ZFP3: variants seen among roughly 807,000 people sequenced by gnomAD.
ZFP3 encodes the protein zinc finger protein 3 homolog.
A neutral mutation model predicts 36.7 loss-of-function variants in ZFP3; 18 were observed. That is an observed-to-expected ratio of 0.49 (90% confidence interval 0.34 to 0.73). The LOEUF is 0.73. Among genes scored for constraint, ZFP3 ranks in the 30% least tolerant of loss-of-function variants. ZFP3 has a pLI of 0.01. For synonymous variants in ZFP3, 218 were observed against 199.0 expected, an observed-to-expected ratio of 1.10 and a Z score of -0.81; for missense variants, 495 against 599.0, an observed-to-expected ratio of 0.83 and a Z score of 1.81.
rs146478283 is a variant in ZFP3 at position 5,086,183 on chromosome 17, G to A, written c.-8-5314G>A. ...AAGTTCCACCTCATTTTCAGGTGTA[G>A]CACAAAGAGCTTCTAAGACTTCAGG... On this transcript the variant is annotated intron_variant, in intron 1 of 1. Coordinates refer to ENST00000318833, the MANE Select transcript of ZFP3 (RefSeq NM_153018.3). Among the ~76,000 whole-genome samples the A allele has an allele frequency of 6.6e-5, 10 of 152,274 alleles. No individual in the cohort carries two copies. In the East Asian group the frequency reaches 1.9e-3, roughly 29 times the overall value.
In ZFP3 at chr17:5,092,864, T is replaced by A. The variant is rs368439342; in HGVS notation, c.1360T>A (p.Cys454Ser). The A allele has an allele frequency of 6.2e-7, 1 of 1,614,044 alleles. No individual in the cohort carries two copies. The highest frequency in any genetic ancestry group is 8.5e-7 in the Non-Finnish European group (1 of 1,180,020). The stretch of plus-strand genomic sequence containing the variant: ...AGAGAAACCTTATGAATGTAGCGAG[T>A]GTGAGAAAACATTTAGCCAGCATTC... ...IGEKPYECSE[C>S]EKTFSQHSQL... The change falls in exon 2 of 2, where the codon TGT (cysteine) becomes AGT (serine). Residue 454 changes from cysteine (C) to serine (S), a missense_variant. By Grantham distance (112) the Cys-to-Ser change is moderately radical. Coordinates refer to ENST00000318833, the MANE Select transcript of ZFP3 (RefSeq NM_153018.3). The surrounding 1 kb of genome is among the most constrained non-coding windows in gnomAD (Gnocchi z 5.0).
rs528370330 is a variant in ZFP3 at position 5,093,969 on chromosome 17, T to A, written c.*956T>A. ...GCTCCTAAGAATTCTGCTGCATATA[T>A]TTTTAGCCCCATCTCCTGCCACTGC... On this transcript the variant is annotated 3_prime_UTR_variant, in exon 2 of 2. Transcript: ENST00000318833. The A allele has an allele frequency of 1.2e-5, 2 of 167,282 alleles. No homozygotes were observed. Among genetic ancestry groups the A allele is most frequent in the South Asian group, 4.1e-4 (2 of 4,824 alleles). 10.4% of individuals were successfully genotyped at this position (167,282 alleles called of 1,614,324 possible).
rs1311876299 is a variant in ZFP3 at position 5,093,346 on chromosome 17, T to G, written c.*333T>G. The G allele has an allele frequency of 8.4e-6, 2 of 237,992 alleles. No homozygotes were observed. Among genetic ancestry groups the G allele is most frequent in the Non-Finnish European group, 1.8e-5 (2 of 114,050 alleles). The allele number at this position is 237,992 out of a possible 1,614,324, so 14.7% of individuals were successfully genotyped here. On this transcript the variant is annotated 3_prime_UTR_variant, in exon 2 of 2. Coordinates refer to ENST00000318833, the MANE Select transcript of ZFP3 (RefSeq NM_153018.3). ...GCACTAATGAGGCACTTTTATGAATTATTCATTGAGAGGTTTCAGTGTGCT... is the reference window on the plus strand; with the variant it reads ...GCACTAATGAGGCACTTTTATGAATGATTCATTGAGAGGTTTCAGTGTGCT...
At chr17:5,091,403 C>A in intron 1 of ZFP3, 94 bp from the exon 2 acceptor site, 2 of 1,309,074 alleles carry the variant, frequency 1.5e-6, no homozygotes, top group Non-Finnish European at 2.1e-6. Context: ...TTTCTGAGTG[C>A]TATGAGAACT....
At chr17:5,079,540 A>T (rs1484627814) in intron 1 of ZFP3, among the ~76,000 whole-genome samples, 1 of 152,224 alleles carries the variant, frequency 6.6e-6, no homozygotes, top group Non-Finnish European at 1.5e-5. Context: ...TTCATTATAT[A>T]TATAAGACAG....
In ZFP3 at chr17:5,092,479, C is replaced by T. The variant is rs761602229; in HGVS notation, c.975C>T (p.Ile325=). The change falls in exon 2 of 2, where the codon ATC becomes ATT. Residue 325 remains isoleucine (I), a synonymous_variant. Transcript: ENST00000318833. This position sits in a 1 kb window ranked among gnomAD's most constrained non-coding sequence, Gnocchi z 5.0. ...GCTTCGGGCAGAGTTCTGAGCTTAT[C>T]CGGCATCAGAGAATTCATACAGGGG... The part of the protein sequence containing the change: ...GKGFGQSSEL[I]RHQRIHTGDK... The T allele has an allele frequency of 6.2e-6, 10 of 1,613,920 alleles. No homozygotes were observed. The highest frequency in any genetic ancestry group is 8.5e-6 in the Non-Finnish European group (10 of 1,179,976).
intron 1 of ZFP3, among the ~76,000 whole-genome samples, chr17:5,090,440 T>G (rs1597906628): frequency 6.6e-6 from 1 of 152,302 alleles, no homozygotes; most frequent in Non-Finnish European, 1.5e-5. Flanking sequence ...TCAGTAGCCC[T>G]TTGGAGAAGT....
intron 1 of ZFP3, among the ~76,000 whole-genome samples, chr17:5,088,036 G>A (rs2072130078): frequency 6.6e-6 from 1 of 152,002 alleles, no homozygotes; most frequent in African/African-American, 2.4e-5. Flanking sequence ...TGGTTCTCAT[G>A]CTACACTCAG....
Position 5,091,655 on chromosome 17 carries a change from T to G in ZFP3, c.151T>G (p.Ser51Ala). Residue 51 changes from serine (S) to alanine (A), a missense_variant, in exon 2 of 2, where the codon TCG (serine) becomes GCG (alanine). Ser to Ala is a moderately conservative substitution (Grantham distance 99). Coordinates refer to ENST00000318833, the MANE Select transcript of ZFP3 (RefSeq NM_153018.3). ...TGAAGAAGACATGTTGGAGGGACATTCGAGAGAGTCCATGGAAGAGGTTAT... is the reference window on the plus strand; with the variant it reads ...TGAAGAAGACATGTTGGAGGGACATGCGAGAGAGTCCATGGAAGAGGTTAT... ...GCEEDMLEGH[S>A]RESMEEVIEQ... is the part of the protein sequence containing the mutation. 6.2e-7 allele frequency: 1 copy of G among 1,614,164 alleles called. No homozygotes were observed. The highest frequency in any genetic ancestry group is 8.5e-7 in the Non-Finnish European group (1 of 1,180,028).
At chr17:5,085,797 G>A (rs1447178086) in intron 1 of ZFP3, among the ~76,000 whole-genome samples, 8 of 152,164 alleles carry the variant, frequency 5.3e-5, no homozygotes, top group South Asian at 2.1e-4. Flanking sequence ...TCAGCTCTAC[G>A]AATGCTGATT....
At chr17:5,086,709 G>A (rs972488850) in intron 1 of ZFP3, among the ~76,000 whole-genome samples, 13 of 144,566 alleles carry the variant, frequency 9.0e-5, no homozygotes, top group Non-Finnish European at 1.7e-4. Flanking sequence ...TATTGTCTCA[G>A]TACACATTTT....
chr17:5,082,342 G>A (rs956829279), intron 1 of ZFP3, among the ~76,000 whole-genome samples: 11 of 151,710 alleles, frequency 7.3e-5, no homozygotes, highest in African/African-American at 2.2e-4. Context: ...GTGAGACTCC[G>A]TCTCAAAAAA....
rs2072180070 is a variant in ZFP3, at chr17:5,096,065, T to G, written c.*3052T>G. On this transcript the variant is annotated 3_prime_UTR_variant, in exon 2 of 2. Coordinates refer to ENST00000318833, the MANE Select transcript of ZFP3 (RefSeq NM_153018.3). ...CCTCTTCATGTCTTACCCAGATATCTCAGGAAGATTTCTCTTTTCCTTCTG... is the reference window on the plus strand; with the variant it reads ...CCTCTTCATGTCTTACCCAGATATCGCAGGAAGATTTCTCTTTTCCTTCTG... The G allele has an allele frequency of 6.0e-6, 1 of 167,086 alleles. No individual in the cohort carries two copies. The highest frequency in any genetic ancestry group is 2.4e-5 in the African/African-American group (1 of 41,454). 10.4% of individuals were successfully genotyped at this position (167,086 alleles called of 1,614,324 possible).
rs186372258 is a variant in ZFP3, at chr17:5,081,613, A to G, written c.-9+3038A>G. Among the ~76,000 whole-genome samples the G allele has an allele frequency of 1.0e-4, 15 of 149,852 alleles. No individual in the cohort carries two copies. In the East Asian group the frequency reaches 2.6e-3, roughly 26 times the overall value. On this transcript the variant is annotated intron_variant, in intron 1 of 1. Transcript: ENST00000318833. ...ATTTTATTTTATTTTATTTTATTTT[A>G]TTTTTTGAGACGGAGTCTCGCTCTA...
intron 1 of ZFP3, among the ~76,000 whole-genome samples, chr17:5,087,327 C>T (rs962364433): frequency 6.6e-6 from 1 of 152,088 alleles, no homozygotes; most frequent in East Asian, 1.9e-4. Flanking sequence ...ATCCTCCCAC[C>T]TACTCCTCCC....
intron 1 of ZFP3, among the ~76,000 whole-genome samples, chr17:5,084,011 C>A (rs1328871786): frequency 6.6e-6 from 1 of 151,898 alleles, no homozygotes; most frequent in Non-Finnish European, 1.5e-5. Flanking sequence ...GGATTATAAG[C>A]ACCCACCATC....
At position 5,091,808 on chromosome 17, in the gene ZFP3, G is replaced by C. The variant is rs200233165; in HGVS notation, c.304G>C (p.Val102Leu). The change falls in exon 2 of 2, where the codon GTT (valine) becomes CTT (leucine). Residue 102 changes from valine (V) to leucine (L), a missense_variant. Val to Leu is a conservative substitution (Grantham distance 32). Transcript: ENST00000318833. Reference protein sequence around the residue: ...ERGCSPSPNLVTHQGDTTEGV... With the variant: ...ERGCSPSPNLLTHQGDTTEGV... ...AGGCTGCAGTCCCAGCCCAAATCTG[G>C]TTACACATCAGGGAGATACAACAGA... is the stretch of plus-strand genomic sequence containing the variant. 41 of 1,614,188 alleles carry C rather than the reference G, an allele frequency of 2.5e-5. No individual in the cohort carries two copies. Among genetic ancestry groups the C allele is most frequent in the Middle Eastern group, 3.3e-4 (2 of 6,062 alleles).
At chr17:5,082,881 G>A (rs1195476938) in intron 1 of ZFP3, among the ~76,000 whole-genome samples, 1 of 152,148 alleles carries the variant, frequency 6.6e-6, no homozygotes, top group East Asian at 1.9e-4. Flanking sequence ...ATGCCGTAAT[G>A]TTTTACTACA....
chr17:5,086,616 A>C (rs2072122306), intron 1 of ZFP3, among the ~76,000 whole-genome samples: 1 of 150,686 alleles, frequency 6.6e-6, no homozygotes. Context: ...AGAAGCAGCA[A>C]ATTCATTATT....
Sources: allele counts gnomAD v4.1 joint callset (sites outside exome capture counted in the v4.1 genomes callset), GRCh38; gene constraint gnomAD v4.1.1; non-coding constraint Gnocchi (gnomAD v3.1); transcripts MANE v1.5; gene names NCBI Gene and HGNC (gene_info 2026-07-23, HGNC 2026-07-21).